Variants in HIVEP1 observed in about 807,000 individuals in gnomAD.
HIVEP1 encodes the protein zinc finger protein 40.
Under a neutral mutation model 180.0 loss-of-function variants are expected in HIVEP1, and 36 were observed. That is an observed-to-expected ratio of 0.20 (90% CI 0.15 to 0.26). The LOEUF (loss-of-function observed/expected upper bound fraction) is 0.26. Among genes scored for constraint, HIVEP1 ranks in the 10% least tolerant of loss-of-function variants. HIVEP1 has a pLI of 1.00. For missense variants in HIVEP1, 3,143 were observed against 3,268.7 expected (o/e 0.96, Z 0.94); for synonymous variants, 1,239 against 1,239.0 (o/e 1.00, Z 0.00).
rs773725509 is a variant in HIVEP1 at position 12,122,232 on chromosome 6, C to T, written c.2437C>T (p.Pro813Ser). ...TTCAAGCTCTGATATACCGAAGTCA[C>T]CTTTCACCCCTACTGAAAAATCAAA... Reference protein sequence around the residue: ...TSSSSDIPKSPFTPTEKSKQV... With the variant: ...TSSSSDIPKSSFTPTEKSKQV... Residue 813 changes from proline to serine, a missense_variant, in exon 4 of 9, where the codon CCT becomes TCT. This residue lies in a region of HIVEP1 where 204 missense variants were observed against 243.7 expected (regional missense o/e 0.84). Coordinates refer to ENST00000379388, the MANE Select transcript of HIVEP1 (RefSeq NM_002114.4). 11 of 1,614,090 alleles carry T rather than the reference C, an allele frequency of 6.8e-6. No individual in the cohort carries two copies. In the Admixed American group the frequency reaches 1.2e-4, roughly 17 times the overall value.
At position 12,012,372 on chromosome 6, in the gene HIVEP1, G is replaced by C. The variant is rs1298982850; in HGVS notation, c.-298G>C. 6.6e-6 allele frequency: 1 copy of C among 150,714 alleles called. No homozygotes were observed. The highest frequency in any genetic ancestry group is 2.4e-5 in the African/African-American group (1 of 41,156). The allele number at this position is 150,714 out of a possible 1,614,324, so 9.3% of individuals were successfully genotyped here. On this transcript the variant is annotated 5_prime_UTR_variant, in exon 1 of 9. Coordinates refer to ENST00000379388, the MANE Select transcript of HIVEP1 (RefSeq NM_002114.4). ...CGGCGGCAGGGTGGCGGACGGAGCGGGGGACCGGGGAGCGGCGGCCGCCGG... is the reference window on the plus strand; with the variant it reads ...CGGCGGCAGGGTGGCGGACGGAGCGCGGGACCGGGGAGCGGCGGCCGCCGG...
chr6:12,028,231 C>A (rs1052404555), intron 2 of HIVEP1, among the ~76,000 whole-genome samples: 2 of 152,196 alleles, frequency 1.3e-5, no homozygotes, highest in African/African-American at 4.8e-5. Context: ...TGGTGGCTGT[C>A]ACTTATAAGC....
At chr6:12,028,799 C>T (rs575618337) in intron 2 of HIVEP1, among the ~76,000 whole-genome samples, 1 of 152,096 alleles carries the variant, frequency 6.6e-6, no homozygotes, top group Non-Finnish European at 1.5e-5. Context: ...AAACCTTTAC[C>T]ACAGTCCAGT....
chr6:12,122,841 G>T lies in HIVEP1; in HGVS notation c.3046G>T (p.Ala1016Ser), dbSNP rs369544097. The T allele has an allele frequency of 2.7e-5, 44 of 1,614,026 alleles. No homozygotes were observed. Among genetic ancestry groups the T allele is most frequent in the Non-Finnish European group, 3.7e-5 (44 of 1,180,026 alleles). ...GCCTCAGATTCTACACTACAGAGTC[G>T]CTGGGTCCTCCGGCATCTGGGAACA... ...LQPQILHYRV[A>S]GSSGIWEQTP... is the part of the protein sequence containing the mutation. Residue 1016 changes from alanine to serine, a missense_variant, in exon 4 of 9, where the codon GCT becomes TCT. Physicochemically the swap from Ala to Ser is moderately conservative, Grantham distance 99 (BLOSUM62 1). Around this residue, in one of 12 missense-constraint regions of HIVEP1, gnomAD observed 1,357 missense variants for 1,260.5 expected, o/e 1.08. Transcript: ENST00000379388.
chr6:12,061,846 T>G (rs1359265275), intron 2 of HIVEP1, among the ~76,000 whole-genome samples: 1 of 152,182 alleles, frequency 6.6e-6, no homozygotes, highest in African/African-American at 2.4e-5. Context: ...TAAAAAAAAT[T>G]TCTAAGTAAA....
In HIVEP1 at chr6:12,120,273, G is replaced by A. The variant is rs1189944839; in HGVS notation, c.478G>A (p.Asp160Asn). 7 of 1,614,144 alleles carry A rather than the reference G, an allele frequency of 4.3e-6. No individual in the cohort carries two copies. The highest frequency in any genetic ancestry group is 2.2e-5 in the East Asian group (1 of 44,876). ...GADPAKFSDL[D>N]EQCDSSSLSS... ...TGATCCTGCCAAATTCAGTGACCTC[G>A]ATGAACAATGTGACTCAAGTTCCTT... Residue 160 changes from aspartate (D) to asparagine (N), a missense_variant, in exon 4 of 9, where the codon GAT becomes AAT. By Grantham distance (23) the Asp-to-Asn change is conservative. Coordinates refer to ENST00000379388, the MANE Select transcript of HIVEP1 (RefSeq NM_002114.4).
At chr6:12,096,991 A>G (rs1773820128) in intron 3 of HIVEP1, among the ~76,000 whole-genome samples, 1 of 152,098 alleles carries the variant, frequency 6.6e-6, no homozygotes. Flanking sequence ...AATTTACAAA[A>G]TGAAAGCTCA....
At chr6:12,152,517 G>A (rs1759766783) in intron 7 of HIVEP1, among the ~76,000 whole-genome samples, 1 of 152,174 alleles carries the variant, frequency 6.6e-6, no homozygotes, top group African/African-American at 2.4e-5. Context: ...TGCCATGGAT[G>A]TTTAAAAGGA....
chr6:12,057,943 C>A (rs1212966548), intron 2 of HIVEP1, among the ~76,000 whole-genome samples: 3 of 152,140 alleles, frequency 2.0e-5, no homozygotes, highest in Non-Finnish European at 4.4e-5. Context: ...AAGATTACTT[C>A]TTATTGTCTA....
upstream of HIVEP1, among the ~76,000 whole-genome samples, chr6:12,009,324 C>T (rs1393197647): frequency 6.6e-6 from 1 of 152,018 alleles, no homozygotes; most frequent in African/African-American, 2.4e-5. Flanking sequence ...GTGCCCTCTC[C>T]AAACTGTTCG....
chr6:12,121,300 A>G lies in HIVEP1; in HGVS notation c.1505A>G (p.Asp502Gly), dbSNP rs368028074. The G allele has an allele frequency of 3.7e-6, 6 of 1,614,068 alleles. No individual in the cohort carries two copies. In the African/African-American group the frequency reaches 4.0e-5, roughly 11 times the overall value. Residue 502 changes from aspartate (D) to glycine (G), a missense_variant, in exon 4 of 9, where the codon GAT becomes GGT. Around this residue, in one of 12 missense-constraint regions of HIVEP1, gnomAD observed 365 missense variants for 344.4 expected, o/e 1.06. Coordinates refer to ENST00000379388, the MANE Select transcript of HIVEP1 (RefSeq NM_002114.4). This position sits in a 1 kb window ranked among gnomAD's most constrained non-coding sequence, Gnocchi z 5.3. ...SGESEEEGAT[D>G]ERQHDLGAME... is the part of the protein sequence containing the mutation. Reference sequence around the variant, plus strand: ...GAGAGCGAGGAGGAAGGCGCCACTGATGAGAGACAGCATGACCTGGGCGCC... The same window carrying G: ...GAGAGCGAGGAGGAAGGCGCCACTGGTGAGAGACAGCATGACCTGGGCGCC...
chr6:12,036,969 G>A (rs1769314510), intron 2 of HIVEP1, among the ~76,000 whole-genome samples: 1 of 152,180 alleles, frequency 6.6e-6, no homozygotes, highest in Admixed American at 6.5e-5. Flanking sequence ...TGGAGGCTGG[G>A]TCTTGGAGAA....
chr6:12,037,797 G>A (rs1341547853), intron 2 of HIVEP1: 2 of 454,058 alleles, frequency 4.4e-6, no homozygotes, highest in Non-Finnish European at 7.9e-6. Context: ...AACTTCTGGG[G>A]ACAAGCTAAG....
At chr6:12,173,109 A>T in the HIVEP1 span, among the ~76,000 whole-genome samples, 1 of 152,152 alleles carries the variant, frequency 6.6e-6, no homozygotes, top group African/African-American at 2.4e-5. Context: ...ACACATGTAA[A>T]CTTCCAAGTA....
chr6:12,037,942 C>T (rs562465220), intron 2 of HIVEP1: 26 of 388,726 alleles, frequency 6.7e-5, no homozygotes. Flanking sequence ...CTTGAACTCC[C>T]AGCCTCAAGT....
At chr6:12,016,324 G>C (rs989499713) in intron 2 of HIVEP1, among the ~76,000 whole-genome samples, 1 of 152,104 alleles carries the variant, frequency 6.6e-6, no homozygotes, top group Admixed American at 6.5e-5. Context: ...TATTGTTCTC[G>C]TGTTATATCA....
At chr6:12,209,973 C>T in the HIVEP1 span, among the ~76,000 whole-genome samples, 2 of 151,958 alleles carry the variant, frequency 1.3e-5, no homozygotes, top group East Asian at 1.9e-4. Flanking sequence ...GTTATATAGC[C>T]GGGTGTAGTG....
chr6:12,020,890 C>CTTTCTTTCTT (rs536583043), intron 2 of HIVEP1, among the ~76,000 whole-genome samples: 1 of 105,778 alleles, frequency 9.5e-6, no homozygotes, highest in African/African-American at 3.6e-5. Flanking sequence ...TTCTTTCTTT[C>CTTTCTTTCTT]TTTTTTTTTT....
the HIVEP1 span, among the ~76,000 whole-genome samples, chr6:12,211,056 G>A: frequency 6.6e-6 from 1 of 151,550 alleles, no homozygotes; most frequent in Non-Finnish European, 1.5e-5. Context: ...ATTAACTCAG[G>A]GGAAGCTACA....
Sources: gnomAD v4.1 joint callset for allele counts (sites outside exome capture counted in the v4.1 genomes callset) on GRCh38, gnomAD v4.1.1 for gene constraint, gnomAD v4.1.1 regional missense constraint, Gnocchi (gnomAD v3.1) non-coding constraint, MANE v1.5 for transcripts, NCBI Gene and HGNC (gene_info 2026-07-23, HGNC 2026-07-21) for gene names.